Variants in FECH observed in about 807,000 individuals in gnomAD.
FECH encodes the protein ferrochelatase, mitochondrial.
FECH carries 40 observed loss-of-function variants against 56.9 expected under a neutral mutation model. The observed-to-expected ratio is 0.70, with a 90% CI of 0.55 to 0.92. The LOEUF is 0.92. Among genes scored for constraint, FECH ranks in the 40% least tolerant of loss-of-function variants. The pLI is 0.00. For missense variants in FECH, 431 were observed against 529.1 expected, an observed-to-expected ratio of 0.81 and a Z score of 1.82; for synonymous variants, 175 against 198.6, an observed-to-expected ratio of 0.88 and a Z score of 1.00.
At chr18:57,585,339 C>G (rs113802306) in intron 1 of FECH, among the ~76,000 whole-genome samples, 15 of 152,306 alleles carry the variant, frequency 9.8e-5, no homozygotes, top group African/African-American at 3.4e-4. Flanking sequence ...CTTCTGCTAG[C>G]GTTTCTGAAT....
At chr18:57,563,494 C>T (rs1427291254) in intron 5 of FECH, among the ~76,000 whole-genome samples, 4 of 143,276 alleles carry the variant, frequency 2.8e-5, no homozygotes, top group East Asian at 2.1e-4. Context: ...GTAGGAGAAT[C>T]GCTTGAACCC....
intron 2 of FECH, among the ~76,000 whole-genome samples, chr18:57,575,161 G>A (rs1048877189): frequency 2.6e-5 from 4 of 152,050 alleles, no homozygotes; most frequent in Admixed American, 6.6e-5. Flanking sequence ...GCTACGTGTC[G>A]TAGCATGAAT....
chr18:57,566,805 C>T (rs1054251160), intron 4 of FECH, among the ~76,000 whole-genome samples: 2 of 152,116 alleles, frequency 1.3e-5, no homozygotes, highest in African/African-American at 4.8e-5. Flanking sequence ...CACCCACACA[C>T]CTTTACTGCA....
At position 57,548,264 on chromosome 18, in the gene FECH, A is replaced by C. The variant is rs938794726; in HGVS notation, c.*2448T>G. On this transcript the variant is annotated 3_prime_UTR_variant, in exon 11 of 11. Transcript: ENST00000262093. The stretch of plus-strand genomic sequence containing the variant: ...AGACTCCATCTTAAAAAAAAAAAAA[A>C]ACAAAACAAAACAATGAGTTCATTT... 2 of 147,052 alleles carry C rather than the reference A, an allele frequency of 1.4e-5. No homozygotes were observed. The highest frequency in any genetic ancestry group is 3.0e-5 in the Non-Finnish European group (2 of 66,530). 9.1% of individuals were successfully genotyped at this position (147,052 alleles called of 1,614,324 possible).
chr18:57,563,580 C>CAAAAA (rs747565830), intron 5 of FECH, among the ~76,000 whole-genome samples: 376 of 33,598 alleles, frequency 0.011, 77 homozygotes, highest in African/African-American at 0.044. Context: ...AACTCCGTCC[C>CAAAAA]AAAAAAAAAA....
At chr18:57,559,086 G>T in intron 7 of FECH, 59 bp downstream of exon 7, 1 of 1,162,318 alleles carries the variant, frequency 8.6e-7, no homozygotes, top group Non-Finnish European at 1.3e-6. Context: ...TACACATTTA[G>T]AAAATGAAAT....
intron 5 of FECH, among the ~76,000 whole-genome samples, chr18:57,565,545 G>T (rs2051004953): frequency 1.3e-5 from 2 of 151,226 alleles, no homozygotes; most frequent in Non-Finnish European, 2.9e-5. Context: ...GATGGAGGTT[G>T]CAATGACAGA....
intron 5 of FECH, among the ~76,000 whole-genome samples, chr18:57,563,955 C>G (rs552265124): frequency 1.3e-5 from 2 of 151,990 alleles, no homozygotes; most frequent in South Asian, 4.1e-4. Context: ...CTCAGCTTAC[C>G]GCAACCTCCA....
chr18:57,570,037 GTGT>G (rs769085602), intron 4 of FECH, among the ~76,000 whole-genome samples: 10,632 of 78,662 alleles, frequency 0.14, 503 homozygotes, highest in South Asian at 0.24. Context: ...GTTGTCGTGT[GTGT>G]GTGTGTGTGT....
At chr18:57,582,736 A>G (rs184331159) in intron 1 of FECH, among the ~76,000 whole-genome samples, 231 of 149,026 alleles carry the variant, frequency 1.6e-3, no homozygotes, top group African/African-American at 5.3e-3. Flanking sequence ...ACACGGTGAA[A>G]CCCCATCTCT....
rs753774642 is a variant in FECH, at chr18:57,580,904, C to A, written c.68-705G>T. ...GTGCAGGCATTTTTTCAGATCCATC[C>A]TCCTGAGGGAGGTTGTGCCATCAGT... On this transcript the variant is annotated intron_variant, in intron 1 of 10. Transcript: ENST00000262093. Among the ~76,000 whole-genome samples the A allele has an allele frequency of 3.3e-5, 5 of 152,336 alleles. No individual in the cohort carries two copies. In the East Asian group the frequency reaches 7.7e-4, roughly 24 times the overall value.
At chr18:57,580,296 G>A in intron 1 of FECH, 97 bp from the exon 2 acceptor site, 1 of 1,455,222 alleles carries the variant, frequency 6.9e-7, no homozygotes, top group Non-Finnish European at 9.5e-7. Context: ...AAAATTTAAA[G>A]AGATCCCATG....
At chr18:57,578,099 A>G (rs910839656) in intron 2 of FECH, among the ~76,000 whole-genome samples, 2 of 152,208 alleles carry the variant, frequency 1.3e-5, no homozygotes, top group Non-Finnish European at 2.9e-5. Flanking sequence ...AGTTGCTGCT[A>G]GAAAAACACA....
intron 9 of FECH, among the ~76,000 whole-genome samples, chr18:57,553,937 G>A (rs2050832821): frequency 1.3e-5 from 2 of 152,320 alleles, no homozygotes; most frequent in South Asian, 4.1e-4. Flanking sequence ...TTAGTGAGAA[G>A]TACATTTCTT....
rs1368673574 is a variant in FECH at position 57,579,959 on chromosome 18, T to C, written c.194+114A>G. On this transcript the variant is annotated intron_variant, in intron 2 of 10. Transcript: ENST00000262093. ...AGCTATTGAAAGGAAGCCAAGAAAA[T>C]AGCTCCTTCCACACTGGCTTTTCCC... 1.1e-5 allele frequency: 16 copies of C among 1,422,362 alleles called. No individual in the cohort carries two copies. In the African/African-American group the frequency reaches 1.1e-4, roughly 10 times the overall value. The allele number at this position is 1,422,362 out of a possible 1,614,324, so 88.1% of individuals were successfully genotyped here.
At chr18:57,573,516 G>T in intron 2 of FECH, 151 bp from the exon 3 acceptor site, 2 of 880,726 alleles carry the variant, frequency 2.3e-6, no homozygotes. Flanking sequence ...ACCTATTCGG[G>T]GACATCTGTG....
At chr18:57,583,551 A>G (rs1312419412) in intron 1 of FECH, among the ~76,000 whole-genome samples, 3 of 152,274 alleles carry the variant, frequency 2.0e-5, no homozygotes, top group African/African-American at 7.2e-5. Flanking sequence ...TGCACACTGC[A>G]TGTGGCTGAG....
At chr18:57,556,689 T>C (rs1229259950) in intron 7 of FECH, among the ~76,000 whole-genome samples, 1 of 151,906 alleles carries the variant, frequency 6.6e-6, no homozygotes, top group African/African-American at 2.4e-5. Flanking sequence ...GGTGGGTGGA[T>C]CACCTGGGCC....
Position 57,545,573 on chromosome 18 carries a change from G to C in FECH, c.*5139C>G, listed in dbSNP as rs151197779. Among the ~76,000 whole-genome samples the C allele has an allele frequency of 1.3e-5, 2 of 152,178 alleles. No individual in the cohort carries two copies. The highest frequency in any genetic ancestry group is 2.9e-5 in the Non-Finnish European group (2 of 68,032). ...CTTTGGCAAGATGCATCAGACGCACGGAGCGATGGTCTGGCTGAAGGGCAC... is the reference window on the plus strand; with the variant it reads ...CTTTGGCAAGATGCATCAGACGCACCGAGCGATGGTCTGGCTGAAGGGCAC... On this transcript the variant is annotated 3_prime_UTR_variant, in exon 11 of 11. Coordinates refer to ENST00000262093, the MANE Select transcript of FECH (RefSeq NM_000140.5).
Sources: allele counts gnomAD v4.1 joint callset (sites outside exome capture counted in the v4.1 genomes callset), GRCh38; gene constraint gnomAD v4.1.1; transcripts MANE v1.5; gene names NCBI Gene and HGNC (gene_info 2026-07-23, HGNC 2026-07-21).